Variants in FGD3 observed in about 807,000 individuals in gnomAD.
The protein encoded by FGD3 is FYVE, RhoGEF and PH domain containing 3, also known as FYVE, RhoGEF and PH domain-containing protein 3.
A neutral mutation model predicts 71.8 loss-of-function variants in FGD3; 45 were observed. The observed-to-expected ratio is 0.63, with a 90% CI of 0.49 to 0.80. FGD3 has a LOEUF of 0.80. Among genes scored for constraint, FGD3 ranks in the 30% least tolerant of loss-of-function variants. FGD3 has a pLI of 0.00. For missense variants in FGD3, 844 were observed against 951.5 expected (o/e 0.89, Z 1.49); for synonymous variants, 378 against 392.8 (o/e 0.96, Z 0.44).
chr9:92,963,047 C>T (rs780363387), intron 1 of FGD3, among the ~76,000 whole-genome samples: 4 of 152,138 alleles, frequency 2.6e-5, no homozygotes, highest in African/African-American at 9.7e-5. Flanking sequence ...ATCCTTGTCA[C>T]GGCTGGGTGT....
At chr9:93,002,555 G>A (rs1860895076) in intron 3 of FGD3, among the ~76,000 whole-genome samples, 1 of 152,096 alleles carries the variant, frequency 6.6e-6, no homozygotes, top group African/African-American at 2.4e-5. Context: ...GCTTTATAAT[G>A]GCTTGGGTGC....
At chr9:92,976,136 T>G in intron 2 of FGD3, 72 bp from the exon 3 acceptor site, 73 of 899,962 alleles carry the variant, frequency 8.1e-5, no homozygotes, top group Non-Finnish European at 1.1e-4. Flanking sequence ...GGGAGCTGCA[T>G]TTGGGGGTTG....
chr9:93,015,932 C>T, intron 10 of FGD3, 103 bp downstream of exon 10: 6 of 991,716 alleles, frequency 6.1e-6, no homozygotes, highest in Non-Finnish European at 9.5e-6. Context: ...TCTGTGCAGC[C>T]TGGCACCCCT....
At chr9:92,996,569 AG>A (rs1334194155) in intron 3 of FGD3, among the ~76,000 whole-genome samples, 9 of 152,126 alleles carry the variant, frequency 5.9e-5, no homozygotes, top group Non-Finnish European at 1.2e-4. Flanking sequence ...TTGTGATGTT[AG>A]GGTGTCCATT....
rs77498543 is a variant in FGD3 at position 93,035,872 on chromosome 9, G to A, written c.*283G>A. On this transcript the variant is annotated 3_prime_UTR_variant, in exon 18 of 18. Transcript: ENST00000375482. ...AAAGTAACCATCATCCATATGGGCCGTGTGGTGATGCTGGCCCGGAAGGCA... is the reference window on the plus strand; with the variant it reads ...AAAGTAACCATCATCCATATGGGCCATGTGGTGATGCTGGCCCGGAAGGCA... 5.4e-3 allele frequency: 2,228 copies of A among 412,674 alleles called. 53 individuals carry two copies. The highest frequency in any genetic ancestry group is 0.04 in the African/African-American group (1,961 of 49,318). The allele number at this position is 412,674 out of a possible 1,614,324, so 25.6% of individuals were successfully genotyped here.
chr9:92,976,836 G>A, intron 3 of FGD3, 127 bp downstream of exon 3: 1 of 1,088,498 alleles, frequency 9.2e-7, no homozygotes, highest in Non-Finnish European at 1.3e-6. Context: ...CGTGCTGTGT[G>A]CAAGGGGAGG....
intron 14 of FGD3, among the ~76,000 whole-genome samples, chr9:93,027,035 TG>T (rs1388233384): frequency 6.6e-6 from 1 of 152,216 alleles, no homozygotes; most frequent in African/African-American, 2.4e-5. Flanking sequence ...GCCCCCACTG[TG>T]GTCTTGGGTG....
At chr9:93,028,339 GAAA>G (rs58386783) in intron 14 of FGD3, among the ~76,000 whole-genome samples, 199 of 139,144 alleles carry the variant, frequency 1.4e-3, no homozygotes, top group South Asian at 3.5e-3. Flanking sequence ...TTTTAAACAG[GAAA>G]AAAAAAAAAA....
chr9:92,986,100 C>T (rs1208257793), intron 3 of FGD3, among the ~76,000 whole-genome samples: 1 of 152,106 alleles, frequency 6.6e-6, no homozygotes, highest in African/African-American at 2.4e-5. Context: ...CCTTGGGGTT[C>T]TGGAATGAAC....
At chr9:93,010,410 G>A in intron 7 of FGD3, 26 bp downstream of exon 7, 1 of 1,592,528 alleles carries the variant, frequency 6.3e-7, no homozygotes. Context: ...GGGCTCCCAG[G>A]AGGGTGCAGG....
Position 93,035,390 on chromosome 9 carries a change from C to T in FGD3, c.1979C>T (p.Pro660Leu), listed in dbSNP as rs372426495. 1.0e-4 allele frequency: 161 copies of T among 1,610,850 alleles called. No individual in the cohort carries two copies. Among genetic ancestry groups the T allele is most frequent in the Non-Finnish European group, 1.3e-4 (151 of 1,178,936 alleles). Residue 660 changes from proline to leucine, a missense_variant, in exon 18 of 18, where the codon CCG (proline) becomes CTG (leucine). Physicochemically the swap from Pro to Leu is moderately conservative, Grantham distance 98 (BLOSUM62 -3). Transcript: ENST00000375482. The stretch of plus-strand genomic sequence containing the variant: ...CTCCCCAGCTGCAAACTGAGTGTGC[C>T]GGACCCTGAGGAGAGGCTGGACTCG... ...IPLPSCKLSV[P>L]DPEERLDSGH... is the part of the protein sequence containing the mutation.
intron 16 of FGD3, 198 bp downstream of exon 16, chr9:93,033,071 G>A (rs1022177118): frequency 3.0e-6 from 2 of 658,982 alleles, no homozygotes; most frequent in Non-Finnish European, 5.6e-6. Context: ...GGCTTCTCGG[G>A]ACCAGCCAGG....
chr9:92,982,214 A>G lies in FGD3; in HGVS notation c.453+5505A>G, dbSNP rs1318207975. On this transcript the variant is annotated intron_variant, in intron 3 of 17. Transcript: ENST00000375482. ...GTGAGATCAACTTTTTTTAGCTTCC[A>G]TGTATGAGTAAGAATATGTGGTGTT... Among the ~76,000 whole-genome samples, 4 of 152,104 alleles carry G rather than the reference A, an allele frequency of 2.6e-5. 1 individual carries two copies. The East Asian group carries it at 7.7e-4, about 29-fold the overall frequency.
rs1298693528 is a variant in FGD3, at chr9:92,976,349, G to C, written c.93G>C (p.Lys31Asn). The change falls in exon 3 of 18, where the codon AAG becomes AAC. Residue 31 changes from lysine to asparagine, a missense_variant. Lys to Asn is a moderately conservative substitution (Grantham distance 94). Transcript: ENST00000375482. ...DTGPGSSSLG[K>N]LQALPVGPRA... ...GGCCTGGCAGTTCCTCCCTAGGGAA[G>C]CTTCAGGCGCTCCCTGTTGGGCCCA... 3 of 1,610,794 alleles carry C rather than the reference G, an allele frequency of 1.9e-6. No homozygotes were observed. The highest frequency in any genetic ancestry group is 2.5e-6 in the Non-Finnish European group (3 of 1,179,166).
chr9:92,949,054 G>A (rs962815133), intron 1 of FGD3, among the ~76,000 whole-genome samples: 1 of 152,120 alleles, frequency 6.6e-6, no homozygotes, highest in Non-Finnish European at 1.5e-5. Flanking sequence ...GCCTTTAGTT[G>A]GGCTCCTAGG....
chr9:93,003,944 G>A lies in FGD3; in HGVS notation c.544-57G>A. 6.3e-7 allele frequency: 1 copy of A among 1,598,514 alleles called. No individual in the cohort carries two copies. The highest frequency in any genetic ancestry group is 8.6e-7 in the Non-Finnish European group (1 of 1,168,996). ...CCTCACCTGTGGCCGAAGCGGGGCG[G>A]CAACTGTGCTCAGTGGAAGAGGCTC... is the stretch of plus-strand genomic sequence containing the variant. On this transcript the variant is annotated intron_variant, in intron 4 of 17. Transcript: ENST00000375482. The surrounding 1 kb of genome is among the most constrained non-coding windows in gnomAD (Gnocchi z 4.1).
intron 14 of FGD3, among the ~76,000 whole-genome samples, chr9:93,027,131 G>A (rs1032231960): frequency 9.2e-5 from 14 of 152,220 alleles, no homozygotes; most frequent in Middle Eastern, 3.2e-3. Flanking sequence ...GGGGGCTGCA[G>A]CACAGCGAGT....
rs1040062033 is a variant in FGD3, at chr9:93,035,768, C to T, written c.*179C>T. The T allele has an allele frequency of 6.4e-6, 6 of 940,464 alleles. No individual in the cohort carries two copies. Among genetic ancestry groups the T allele is most frequent in the Non-Finnish European group, 9.0e-6 (6 of 667,574 alleles). The allele number at this position is 940,464 out of a possible 1,614,324, so 58.3% of individuals were successfully genotyped here. A position where few individuals can be genotyped will look rare whatever the true frequency, so the allele number is the denominator to read the frequency against. ...GGCCCAGAGAGGGGCAACCACTGGC[C>T]AAGGGTCACCCAGCAAGTTTTGGCT... On this transcript the variant is annotated 3_prime_UTR_variant, in exon 18 of 18. Coordinates refer to ENST00000375482, the MANE Select transcript of FGD3 (RefSeq NM_001083536.2).
chr9:93,011,684 C>T lies in FGD3; in HGVS notation c.1035+412C>T, dbSNP rs546943105. Among the ~76,000 whole-genome samples, 12 of 150,634 alleles carry T rather than the reference C, an allele frequency of 8.0e-5. No individual in the cohort carries two copies. The South Asian group carries it at 1.7e-3, about 21-fold the overall frequency. ...CAGCCTGGCCAATATGGTGAAACCC[C>T]GTCTCTACTAAAAATACAAAAATTA... On this transcript the variant is annotated intron_variant, in intron 8 of 17. Coordinates refer to ENST00000375482, the MANE Select transcript of FGD3 (RefSeq NM_001083536.2).
Sources: gnomAD v4.1 joint callset for allele counts (sites outside exome capture counted in the v4.1 genomes callset) on GRCh38, gnomAD v4.1.1 for gene constraint, Gnocchi (gnomAD v3.1) non-coding constraint, MANE v1.5 for transcripts, NCBI Gene and HGNC (gene_info 2026-07-23, HGNC 2026-07-21) for gene names.